The following CDK6 variants were observed in gnomAD, a reference collection of about 807,000 sequenced individuals.
CDK6 encodes the protein cyclin dependent kinase 6, also known as cyclin-dependent kinase 6.
A neutral mutation model predicts 37.1 loss-of-function variants in CDK6; 6 were observed. The ratio of observed to expected loss-of-function variants is 0.16; its 90% CI spans 0.09 to 0.32. The LOEUF (loss-of-function observed/expected upper bound fraction) is 0.32, where lower values mean the gene tolerates loss of function less well. Among genes scored for constraint, CDK6 ranks in the 10% least tolerant of loss-of-function variants. CDK6 has a pLI of 1.00. For missense variants in CDK6, 224 were observed against 418.9 expected, an observed-to-expected ratio of 0.53 and a Z score of 4.06; for synonymous variants, 160 against 161.3, an observed-to-expected ratio of 0.99 and a Z score of 0.06.
intron 2 of CDK6, among the ~76,000 whole-genome samples, chr7:92,804,185 A>G (rs996231065): frequency 3.9e-5 from 6 of 152,206 alleles, no homozygotes; most frequent in African/African-American, 1.4e-4. Context: ...GTTGCCTGGA[A>G]TTACCTAGAC....
chr7:92,624,412 G>A (rs1795877579), intron 5 of CDK6, among the ~76,000 whole-genome samples: 1 of 152,162 alleles, frequency 6.6e-6, no homozygotes, highest in South Asian at 2.1e-4. Flanking sequence ...GGGTGCACAT[G>A]CACACAGAGA....
At chr7:92,826,924 C>T (rs1801333264) in intron 2 of CDK6, among the ~76,000 whole-genome samples, 1 of 152,098 alleles carries the variant, frequency 6.6e-6, no homozygotes, top group African/African-American at 2.4e-5. Flanking sequence ...ATACACAATC[C>T]TGGTTCTCAA....
At chr7:92,810,409 A>C (rs1469076458) in intron 2 of CDK6, among the ~76,000 whole-genome samples, 3 of 152,120 alleles carry the variant, frequency 2.0e-5, no homozygotes, top group Non-Finnish European at 4.4e-5. Flanking sequence ...TCTAGTCCTG[A>C]CTCTGCCAGC....
At chr7:92,658,263 C>T (rs1260568410) in intron 5 of CDK6, among the ~76,000 whole-genome samples, 1 of 152,256 alleles carries the variant, frequency 6.6e-6, no homozygotes, top group South Asian at 2.1e-4. Flanking sequence ...ATTTACTGTA[C>T]AGAAATACCT....
chr7:92,735,850 C>T (rs997553061), intron 3 of CDK6, among the ~76,000 whole-genome samples: 15 of 152,062 alleles, frequency 9.9e-5, no homozygotes, highest in African/African-American at 3.6e-4. Context: ...AGCCATAATC[C>T]TGCATTGTGG....
chr7:92,637,349 G>A (rs1796197145), intron 5 of CDK6, among the ~76,000 whole-genome samples: 1 of 152,118 alleles, frequency 6.6e-6, no homozygotes, highest in Admixed American at 6.5e-5. Context: ...CGTAGTCTTG[G>A]CATTGTAACT....
At chr7:92,800,750 A>G (rs1800550374) in intron 2 of CDK6, among the ~76,000 whole-genome samples, 1 of 152,192 alleles carries the variant, frequency 6.6e-6, no homozygotes, top group East Asian at 1.9e-4. Context: ...TAATTCTGGG[A>G]ATAAGATCTA....
chr7:92,647,789 G>T (rs1409957914), intron 5 of CDK6, among the ~76,000 whole-genome samples: 5 of 152,238 alleles, frequency 3.3e-5, no homozygotes, highest in African/African-American at 1.2e-4. Context: ...AAAGGTCTCA[G>T]AGGAAGGAAC....
rs528615679 is a variant in CDK6 at position 92,608,848 on chromosome 7, C to T, written c.*6292G>A. ...GGGAGGCGGGGCCCCAGCCCGGCCT[C>T]GCCCACTGCCTCTCTCCTGCCAAAG... On this transcript the variant is annotated 3_prime_UTR_variant, in exon 8 of 8. Coordinates refer to ENST00000424848, the MANE Select transcript of CDK6 (RefSeq NM_001145306.2). 8.6e-6 allele frequency: 2 copies of T among 232,238 alleles called. No homozygotes were observed. Among genetic ancestry groups the T allele is most frequent in the South Asian group, 3.6e-4 (2 of 5,528 alleles). 14.4% of individuals were successfully genotyped at this position (232,238 alleles called of 1,614,324 possible). A position where few individuals can be genotyped will look rare whatever the true frequency, so the allele number is the denominator to read the frequency against.
chr7:92,659,808 T>C (rs557018722), intron 5 of CDK6, among the ~76,000 whole-genome samples: 6 of 152,324 alleles, frequency 3.9e-5, no homozygotes, highest in East Asian at 1.9e-4. Flanking sequence ...GACCAAGATA[T>C]GGCTTTCTCA....
rs1795531102 is a variant in CDK6, at chr7:92,610,149, G to C, written c.*4991C>G. ...GCTCATCTCTTAGGACAGTGTGAAT[G>C]TTTAGAAAGACTTTTGCAAGAAAAG... On this transcript the variant is annotated 3_prime_UTR_variant, in exon 8 of 8. Coordinates refer to ENST00000424848, the MANE Select transcript of CDK6 (RefSeq NM_001145306.2). 1 of 231,408 alleles carries C rather than the reference G, an allele frequency of 4.3e-6. No individual in the cohort carries two copies. Among genetic ancestry groups the C allele is most frequent in the Non-Finnish European group, 8.5e-6 (1 of 116,988 alleles). The allele number at this position is 231,408 out of a possible 1,614,324, so 14.3% of individuals were successfully genotyped here. A position where few individuals can be genotyped will look rare whatever the true frequency, so the allele number is the denominator to read the frequency against.
In CDK6 at chr7:92,609,263, T is replaced by C. The variant is rs1444704872; in HGVS notation, c.*5877A>G. ...ATATCCTTCCCTACTAAATTTCAAGTGACACTGCTGTGAGAAAGGTGACCT... is the reference window on the plus strand; with the variant it reads ...ATATCCTTCCCTACTAAATTTCAAGCGACACTGCTGTGAGAAAGGTGACCT... On this transcript the variant is annotated 3_prime_UTR_variant, in exon 8 of 8. Transcript: ENST00000424848. 1 of 232,514 alleles carries C rather than the reference T, an allele frequency of 4.3e-6. No homozygotes were observed. The highest frequency in any genetic ancestry group is 6.1e-5 in the East Asian group (1 of 16,524). 14.4% of individuals were successfully genotyped at this position (232,514 alleles called of 1,614,324 possible).
chr7:92,830,350 T>C lies in CDK6; in HGVS notation c.233+2741A>G, dbSNP rs375086735. On this transcript the variant is annotated intron_variant, in intron 2 of 7. Coordinates refer to ENST00000424848, the MANE Select transcript of CDK6 (RefSeq NM_001145306.2). Reference sequence around the variant, plus strand: ...AATCTTAAACTTTTGAAAAAACTAATATGTTTATTATGCTCCTGTTAGCTT... The same window carrying C: ...AATCTTAAACTTTTGAAAAAACTAACATGTTTATTATGCTCCTGTTAGCTT... 6.6e-5 allele frequency among the ~76,000 whole-genome samples: 10 copies of C among 152,328 alleles called. 1 individual carries two copies. The South Asian group carries it at 1.9e-3, about 28-fold the overall frequency.
At chr7:92,706,340 C>T (rs1797965513) in intron 4 of CDK6, among the ~76,000 whole-genome samples, 1 of 152,160 alleles carries the variant, frequency 6.6e-6, no homozygotes, top group Non-Finnish European at 1.5e-5. Context: ...GCTGAGACTG[C>T]ACAGTGAGCT....
chr7:92,689,031 G>A (rs1225097501), intron 4 of CDK6, among the ~76,000 whole-genome samples: 1 of 152,148 alleles, frequency 6.6e-6, no homozygotes, highest in Admixed American at 6.6e-5. Flanking sequence ...CTGAATTAGT[G>A]TAGGAATTAT....
At chr7:92,650,490 C>A (rs1796548156) in intron 5 of CDK6, among the ~76,000 whole-genome samples, 1 of 152,070 alleles carries the variant, frequency 6.6e-6, no homozygotes, top group African/African-American at 2.4e-5. Context: ...TAACAAATTA[C>A]CACCAATTTA....
intron 3 of CDK6, among the ~76,000 whole-genome samples, chr7:92,749,503 A>C (rs2079359729): frequency 6.6e-6 from 1 of 152,208 alleles, no homozygotes; most frequent in African/African-American, 2.4e-5. Context: ...CCAAACAAAC[A>C]AAAGATCAAC....
At chr7:92,675,658 CA>C (rs1797185408) in intron 4 of CDK6, among the ~76,000 whole-genome samples, 1 of 152,128 alleles carries the variant, frequency 6.6e-6, no homozygotes, top group Admixed American at 6.5e-5. Context: ...GTACAAACAA[CA>C]GAAGAATAAT....
At position 92,607,037 on chromosome 7, in the gene CDK6, C is replaced by G. The variant is rs185483003; in HGVS notation, c.*8103G>C. The G allele has an allele frequency of 2.2e-3, 518 of 233,328 alleles. 5 individuals are homozygous for G. Among genetic ancestry groups the G allele is most frequent in the African/African-American group, 0.011 (502 of 45,416 alleles). 14.5% of individuals were successfully genotyped at this position (233,328 alleles called of 1,614,324 possible). ...ACAGGCAATCCTTGCTTTTTATTAC[C>G]ACACTGGATTGCTTCTGTACACAGC... is the stretch of plus-strand genomic sequence containing the variant. On this transcript the variant is annotated 3_prime_UTR_variant, in exon 8 of 8. Transcript: ENST00000424848.
Sources: allele counts gnomAD v4.1 joint callset (sites outside exome capture counted in the v4.1 genomes callset), GRCh38; gene constraint gnomAD v4.1.1; transcripts MANE v1.5; gene names NCBI Gene and HGNC (gene_info 2026-07-23, HGNC 2026-07-21).